UBE2E2: variants seen among roughly 807,000 people sequenced by gnomAD.
UBE2E2 encodes the protein ubiquitin conjugating enzyme E2 E2.
UBE2E2 carries 6 observed loss-of-function variants against 24.7 expected under a neutral mutation model. The observed-to-expected ratio is 0.24, with a 90% CI of 0.13 to 0.48. The LOEUF (loss-of-function observed/expected upper bound fraction) is 0.48. Among genes scored for constraint, UBE2E2 ranks in the 20% least tolerant of loss-of-function variants. UBE2E2 has a pLI of 0.99. For synonymous variants in UBE2E2, 104 were observed against 83.6 expected (o/e 1.24, Z -1.33); for missense variants, 169 against 245.0 (o/e 0.69, Z 2.07).
intron 4 of UBE2E2, among the ~76,000 whole-genome samples, chr3:23,508,787 G>A (rs553746748): frequency 1.3e-5 from 2 of 152,232 alleles, no homozygotes; most frequent in African/African-American, 2.4e-5. Context: ...ATAACTGGGA[G>A]GGGTAGATAG....
intron 3 of UBE2E2, among the ~76,000 whole-genome samples, chr3:23,351,563 A>G (rs1321102714): frequency 6.6e-6 from 1 of 152,216 alleles, no homozygotes; most frequent in African/African-American, 2.4e-5. Flanking sequence ...TGGAAAACGA[A>G]AAAAGGCAGG....
At chr3:23,468,367 T>A (rs1159565569) in intron 3 of UBE2E2, among the ~76,000 whole-genome samples, 1 of 152,240 alleles carries the variant, frequency 6.6e-6, no homozygotes, top group Non-Finnish European at 1.5e-5. Flanking sequence ...AGACTGTACC[T>A]ATACTTTTCC....
intron 4 of UBE2E2, among the ~76,000 whole-genome samples, chr3:23,502,629 G>C (rs1460712780): frequency 6.6e-6 from 1 of 152,126 alleles, no homozygotes. Context: ...TTTAAAATCA[G>C]AGATGAGCTA....
intron 3 of UBE2E2, among the ~76,000 whole-genome samples, chr3:23,222,925 T>G (rs1432435616): frequency 1.3e-5 from 2 of 152,070 alleles, no homozygotes; most frequent in African/African-American, 4.8e-5. Context: ...CTCAGTGAGA[T>G]ATTGCATTGT....
intron 3 of UBE2E2, among the ~76,000 whole-genome samples, chr3:23,291,399 A>C (rs1373828375): frequency 2.0e-5 from 3 of 152,178 alleles, no homozygotes; most frequent in Non-Finnish European, 4.4e-5. Context: ...CAAAACAAGA[A>C]ATCTTTATCT....
chr3:23,342,097 G>T (rs1695406095), intron 3 of UBE2E2, among the ~76,000 whole-genome samples: 2 of 152,142 alleles, frequency 1.3e-5, no homozygotes, highest in Admixed American at 6.5e-5. Flanking sequence ...AGTTGGAGGA[G>T]GGAGGAAAGC....
At chr3:23,438,513 T>G (rs1422814209) in intron 3 of UBE2E2, among the ~76,000 whole-genome samples, 1 of 152,214 alleles carries the variant, frequency 6.6e-6, no homozygotes, top group East Asian at 1.9e-4. Context: ...TGTTCTCAAG[T>G]TATATACTAG....
At chr3:23,274,292 T>G (rs1017476150) in intron 3 of UBE2E2, among the ~76,000 whole-genome samples, 8 of 152,100 alleles carry the variant, frequency 5.3e-5, no homozygotes, top group African/African-American at 1.7e-4. Context: ...TTTTTCCCTC[T>G]TTCTTTCCCC....
At chr3:23,413,610 C>T (rs1697549583) in intron 3 of UBE2E2, among the ~76,000 whole-genome samples, 1 of 152,136 alleles carries the variant, frequency 6.6e-6, no homozygotes, top group South Asian at 2.1e-4. Context: ...TTGGCAAGCT[C>T]ATTCTTTAGG....
At chr3:23,331,097 G>A (rs564279221) in intron 3 of UBE2E2, among the ~76,000 whole-genome samples, 2 of 152,062 alleles carry the variant, frequency 1.3e-5, no homozygotes, top group Non-Finnish European at 2.9e-5. Flanking sequence ...AAATCAAAGC[G>A]AAGTTCACAT....
At chr3:23,446,439 T>A (rs1698431529) in intron 3 of UBE2E2, among the ~76,000 whole-genome samples, 1 of 152,204 alleles carries the variant, frequency 6.6e-6, no homozygotes, top group African/African-American at 2.4e-5. Flanking sequence ...ATCATGAATA[T>A]AATGGAATGT....
chr3:23,241,348 A>G (rs922713826), intron 3 of UBE2E2, among the ~76,000 whole-genome samples: 4 of 152,036 alleles, frequency 2.6e-5, no homozygotes, highest in East Asian at 1.9e-4. Context: ...CCTTCCTTCT[A>G]TATAGTCTAT....
intron 3 of UBE2E2, among the ~76,000 whole-genome samples, chr3:23,499,181 C>A (rs58187852): frequency 8.7e-4 from 133 of 152,298 alleles, no homozygotes; most frequent in African/African-American, 2.9e-3. Flanking sequence ...GATATTTGAG[C>A]AGAGACTTTG....
intron 3 of UBE2E2, among the ~76,000 whole-genome samples, chr3:23,352,114 A>T (rs1269242100): frequency 6.6e-6 from 1 of 152,220 alleles, no homozygotes; most frequent in Non-Finnish European, 1.5e-5. Flanking sequence ...GAAACTGAAC[A>T]TCCTGCTCCT....
At chr3:23,504,655 T>C (rs569893046) in intron 4 of UBE2E2, among the ~76,000 whole-genome samples, 12 of 152,326 alleles carry the variant, frequency 7.9e-5, no homozygotes, top group African/African-American at 1.7e-4. Flanking sequence ...TATGGTTGCA[T>C]TAATTTACAT....
At chr3:23,502,011 A>T (rs555802150) in intron 4 of UBE2E2, among the ~76,000 whole-genome samples, 1 of 152,322 alleles carries the variant, frequency 6.6e-6, no homozygotes, top group East Asian at 1.9e-4. Flanking sequence ...AACTCCTAAT[A>T]TATCAGTTTT....
chr3:23,451,532 A>C (rs1316526719), intron 3 of UBE2E2, among the ~76,000 whole-genome samples: 1 of 152,218 alleles, frequency 6.6e-6, no homozygotes, highest in Admixed American at 6.5e-5. Context: ...TCTGACGACT[A>C]TACCGTGTTA....
intron 3 of UBE2E2, among the ~76,000 whole-genome samples, chr3:23,376,236 AT>A (rs1696518184): frequency 6.6e-6 from 1 of 152,146 alleles, no homozygotes; most frequent in South Asian, 2.1e-4. Context: ...TACAAGATAG[AT>A]TGTGTTGCTT....
chr3:23,209,402 A>G, intron 2 of UBE2E2, among the ~76,000 whole-genome samples: 1 of 152,204 alleles, frequency 6.6e-6, no homozygotes, highest in Admixed American at 6.5e-5. Flanking sequence ...GGATCTGGAA[A>G]GTAGGTATTT....
Sources: gnomAD v4.1 joint callset for allele counts (sites outside exome capture counted in the v4.1 genomes callset) on GRCh38, gnomAD v4.1.1 for gene constraint, MANE v1.5 for transcripts, NCBI Gene and HGNC (gene_info 2026-07-23, HGNC 2026-07-21) for gene names.